MINDY4: variants seen among roughly 807,000 people sequenced by gnomAD.
MINDY4 encodes the protein probable ubiquitin carboxyl-terminal hydrolase MINDY-4.
In MINDY4, 68 loss-of-function variants were observed where a neutral mutation model predicts 87.0. That is an observed-to-expected ratio of 0.78 (90% CI 0.64 to 0.96). The LOEUF (loss-of-function observed/expected upper bound fraction) is 0.96, where lower values mean the gene tolerates loss of function less well. Ranked by LOEUF, MINDY4 falls within the 40% of genes least tolerant of loss-of-function variation. MINDY4 has a pLI of 0.00. For synonymous variants in MINDY4, 379 were observed against 363.2 expected, an observed-to-expected ratio of 1.04 and a Z score of -0.50; for missense variants, 919 against 928.2, an observed-to-expected ratio of 0.99 and a Z score of 0.13.
At chr7:30,845,269 G>C (rs550218175) in intron 9 of MINDY4, among the ~76,000 whole-genome samples, 1 of 152,234 alleles carries the variant, frequency 6.6e-6, no homozygotes, top group South Asian at 2.1e-4. Flanking sequence ...GAACACAGAA[G>C]AGTACAGAGA....
chr7:30,810,174 CAAAAAAAAAA>C (rs58498956), intron 5 of MINDY4, among the ~76,000 whole-genome samples: 5 of 66,698 alleles, frequency 7.5e-5, no homozygotes, highest in African/African-American at 1.9e-4. Flanking sequence ...GACTCTGTTT[CAAAAAAAAAA>C]AAAAAAAAAA....
Position 30,892,085 on chromosome 7 carries a change from G to T in MINDY4, c.*80G>T. On this transcript the variant is annotated 3_prime_UTR_variant, in exon 18 of 18. Transcript: ENST00000265299. ...ATGACAGCTGAACCCCAAGCCTCTG[G>T]GGCAGGTCTCATGTACCCCAACCTG... 1 of 1,526,120 alleles carries T rather than the reference G, an allele frequency of 6.6e-7. No homozygotes were observed. The highest frequency in any genetic ancestry group is 9.1e-7 in the Non-Finnish European group (1 of 1,100,920). The allele number at this position is 1,526,120 out of a possible 1,614,324, so 94.5% of individuals were successfully genotyped here.
At chr7:30,791,714 TAG>T in intron 5 of MINDY4, 140 bp downstream of exon 5, 1 of 914,404 alleles carries the variant, frequency 1.1e-6, no homozygotes, top group Non-Finnish European at 1.6e-6. Context: ...ACCGGCAAGG[TAG>T]AGTTTGTTAT....
chr7:30,783,629 G>A (rs147053047), intron 3 of MINDY4, among the ~76,000 whole-genome samples: 218 of 152,206 alleles, frequency 1.4e-3, no homozygotes, highest in African/African-American at 4.9e-3. Flanking sequence ...AAAATCTTTG[G>A]GGGGGTCACT....
intron 13 of MINDY4, among the ~76,000 whole-genome samples, chr7:30,868,152 G>A (rs2128577164): frequency 6.6e-6 from 1 of 152,332 alleles, no homozygotes; most frequent in South Asian, 2.1e-4. Flanking sequence ...TTTAGATGAA[G>A]GGACAAGCTG....
chr7:30,812,720 C>T (rs1292804650), intron 5 of MINDY4, among the ~76,000 whole-genome samples: 9 of 152,202 alleles, frequency 5.9e-5, no homozygotes, highest in Admixed American at 5.9e-4. Flanking sequence ...TCATGTAGGT[C>T]TGCTGAGCCC....
chr7:30,791,082 C>T, intron 4 of MINDY4, 83 bp from the exon 5 acceptor site: 1 of 1,319,408 alleles, frequency 7.6e-7, no homozygotes, highest in Non-Finnish European at 1.0e-6. Flanking sequence ...GACATCACAT[C>T]ATGGGCAAAT....
intron 9 of MINDY4, among the ~76,000 whole-genome samples, chr7:30,842,258 G>T (rs1329000070): frequency 6.6e-6 from 1 of 152,124 alleles, no homozygotes; most frequent in Non-Finnish European, 1.5e-5. Flanking sequence ...TTTGCTCTCC[G>T]GTCGATCCTT....
At chr7:30,859,075 G>A in intron 12 of MINDY4, 182 bp from the exon 13 acceptor site, 1 of 718,006 alleles carries the variant, frequency 1.4e-6, no homozygotes, top group Middle Eastern at 2.3e-4. Context: ...TGTCATTCAG[G>A]TTGTTGCAAT....
chr7:30,789,928 T>G (rs185884186), intron 4 of MINDY4, among the ~76,000 whole-genome samples: 15 of 152,334 alleles, frequency 9.8e-5, no homozygotes, highest in Admixed American at 6.5e-4. Context: ...TTTCAAAAAC[T>G]AAGCAAATCT....
chr7:30,816,897 T>G (rs1788166397), intron 5 of MINDY4, among the ~76,000 whole-genome samples: 1 of 152,190 alleles, frequency 6.6e-6, no homozygotes, highest in South Asian at 2.1e-4. Flanking sequence ...AAATATTCCT[T>G]TTATATGTTG....
intron 1 of MINDY4, among the ~76,000 whole-genome samples, chr7:30,775,437 G>C (rs958460411): frequency 2.6e-5 from 4 of 152,156 alleles, no homozygotes; most frequent in African/African-American, 7.2e-5. Flanking sequence ...GTGGGTGGAG[G>C]GTCATGGAAC....
intron 6 of MINDY4, among the ~76,000 whole-genome samples, chr7:30,830,562 C>G (rs893113981): frequency 6.6e-6 from 1 of 152,112 alleles, no homozygotes; most frequent in African/African-American, 2.4e-5. Flanking sequence ...GAGAAGTCCC[C>G]AGCAAAAGGG....
chr7:30,810,535 T>C (rs1224791399), intron 5 of MINDY4, among the ~76,000 whole-genome samples: 1 of 152,116 alleles, frequency 6.6e-6, no homozygotes, highest in Non-Finnish European at 1.5e-5. Context: ...ACATATTAGC[T>C]ACAGTTAAAG....
At chr7:30,804,551 G>A (rs1787749914) in intron 5 of MINDY4, among the ~76,000 whole-genome samples, 1 of 152,178 alleles carries the variant, frequency 6.6e-6, no homozygotes, top group African/African-American at 2.4e-5. Context: ...AGAAAAAGAT[G>A]AGTGTGATAA....
chr7:30,815,871 G>A lies in MINDY4; in HGVS notation c.1074-12808G>A, dbSNP rs376021005. On this transcript the variant is annotated intron_variant, in intron 5 of 17. Transcript: ENST00000265299. ...AAGTCCTGGTGTGTGTCTCCCCAAG[G>A]GAAGAGCAATCAGTCCTAATGCATT... Among the ~76,000 whole-genome samples, 138 of 152,238 alleles carry A rather than the reference G, an allele frequency of 9.1e-4. 3 individuals are homozygous for A. The highest frequency in any genetic ancestry group is 8.1e-3 in the South Asian group (39 of 4,814).
chr7:30,876,823 A>G (rs1343536004), intron 15 of MINDY4, among the ~76,000 whole-genome samples: 1 of 152,186 alleles, frequency 6.6e-6, no homozygotes, highest in Non-Finnish European at 1.5e-5. Flanking sequence ...ACCTATCCTC[A>G]GAACCAGGAC....
At chr7:30,818,704 T>G (rs755729640) in intron 5 of MINDY4, among the ~76,000 whole-genome samples, 4 of 152,208 alleles carry the variant, frequency 2.6e-5, no homozygotes, top group Non-Finnish European at 4.4e-5. Flanking sequence ...AGTAAAACTC[T>G]TCGTGTATAT....
chr7:30,792,279 G>A (rs1787347555), intron 5 of MINDY4, among the ~76,000 whole-genome samples: 1 of 152,108 alleles, frequency 6.6e-6, no homozygotes, highest in African/African-American at 2.4e-5. Flanking sequence ...TATATCATTG[G>A]ATTTGACTTA....
Sources: gnomAD v4.1 joint callset for allele counts (sites outside exome capture counted in the v4.1 genomes callset) on GRCh38, gnomAD v4.1.1 for gene constraint, MANE v1.5 for transcripts, NCBI Gene and HGNC (gene_info 2026-07-23, HGNC 2026-07-21) for gene names.